TMPRSS7: variants seen among roughly 807,000 people sequenced by gnomAD.
TMPRSS7 encodes transmembrane serine protease 7.
In TMPRSS7, 81 loss-of-function variants were observed where a neutral mutation model predicts 95.6. The observed-to-expected ratio is 0.85, with a 90% confidence interval of 0.71 to 1.02. The LOEUF (loss-of-function observed/expected upper bound fraction) is 1.02, where lower values mean the gene tolerates loss of function less well. Among genes scored for constraint, TMPRSS7 ranks in the 50% least tolerant of loss-of-function variants. The pLI is 0.00. For synonymous variants in TMPRSS7, 364 were observed against 337.8 expected, an observed-to-expected ratio of 1.08 and a Z score of -0.85; for missense variants, 945 against 955.2, an observed-to-expected ratio of 0.99 and a Z score of 0.14.
exon 15 of TMPRSS7, chr3:112,075,373 C>G: frequency 6.6e-7 from 1 of 1,510,304 alleles, no homozygotes; most frequent in Non-Finnish European, 8.9e-7. Context: ...GCACAGACAC[C>G]CTGGAGGGGG....
chr3:112,047,734 CACAG>C lies in TMPRSS7; in HGVS notation c.731-1_733del. 1 of 1,602,306 alleles carries C rather than the reference CACAG, an allele frequency of 6.2e-7. No homozygotes were observed. The highest frequency in any genetic ancestry group is 8.5e-7 in the Non-Finnish European group (1 of 1,170,488). On this transcript the variant is annotated splice_acceptor_variant and splice_polypyrimidine_tract_variant and intron_variant, in intron 6 of 17. Transcript: ENST00000452346. LOFTEE classifies it high-confidence loss of function. ...AAATAAAGGAAAATGGTGCTGTCTC[CACAG>C]ACAAAGGCTGCTCTCAGTACTTCTA...
At chr3:112,042,323 T>A (rs2073219189) in intron 3 of TMPRSS7, among the ~76,000 whole-genome samples, 1 of 152,154 alleles carries the variant, frequency 6.6e-6, no homozygotes, top group Admixed American at 6.5e-5. Flanking sequence ...AGAATTGGAA[T>A]CAGATGACCT....
intron 2 of TMPRSS7, among the ~76,000 whole-genome samples, chr3:112,040,864 G>A (rs1417060256): frequency 6.6e-6 from 1 of 152,154 alleles, no homozygotes; most frequent in Non-Finnish European, 1.5e-5. Flanking sequence ...AAAGGAGGTA[G>A]ACAGAGAAAC....
intron 13 of TMPRSS7, 124 bp from the exon 14 acceptor site, chr3:112,074,172 G>T (rs2073685856): frequency 1.2e-5 from 8 of 654,518 alleles, no homozygotes; most frequent in Non-Finnish European, 2.1e-5. Flanking sequence ...TTATCCCAGA[G>T]CAGCAAATAC....
At chr3:112,050,725 C>T in exon 9 of TMPRSS7, 1 of 1,604,956 alleles carries the variant, frequency 6.2e-7, no homozygotes, top group Non-Finnish European at 8.5e-7. Flanking sequence ...GGGAAAATTT[C>T]AAGCCCATAT....
At position 112,061,786 on chromosome 3, in the gene TMPRSS7, G is replaced by C. The variant is rs754448505; in HGVS notation, c.1311-1G>C. On this transcript the variant is annotated splice_acceptor_variant, in intron 10 of 17. Transcript: ENST00000452346. LOFTEE classifies it high-confidence loss of function. ...ATTCTCCCCGACTCTTGTCTCCCCA[G>C]GTACTGTGGCTCCTACATGGATCAT... is the stretch of plus-strand genomic sequence containing the variant. 2.5e-6 allele frequency: 4 copies of C among 1,604,018 alleles called. No individual in the cohort carries two copies. The East Asian group carries it at 9.0e-5, about 36-fold the overall frequency.
chr3:112,079,727 A>G (rs888339195), intron 17 of TMPRSS7, among the ~76,000 whole-genome samples: 1 of 152,152 alleles, frequency 6.6e-6, no homozygotes, highest in Non-Finnish European at 1.5e-5. Flanking sequence ...AACTCATCCT[A>G]TAATAATGAC....
chr3:112,038,171 C>A (rs2073168484), exon 2 of TMPRSS7: 2 of 702,802 alleles, frequency 2.8e-6, no homozygotes, highest in African/African-American at 1.7e-5. Flanking sequence ...AGGAAGACGA[C>A]CACCACAAAG....
At chr3:112,055,019 C>T (rs1206921619) in intron 9 of TMPRSS7, among the ~76,000 whole-genome samples, 1 of 152,044 alleles carries the variant, frequency 6.6e-6, no homozygotes, top group African/African-American at 2.4e-5. Flanking sequence ...GGATGACAGG[C>T]GTGAGCCACT....
chr3:112,055,432 G>A lies in TMPRSS7; in HGVS notation c.1204-1593G>A, dbSNP rs561555200. On this transcript the variant is annotated intron_variant, in intron 9 of 17. Transcript: ENST00000452346. ...GTTTACTCTATTCAAATGCACATTGGAAACAAGCAAACACTTGCGCAGACA... is the reference window on the plus strand; with the variant it reads ...GTTTACTCTATTCAAATGCACATTGAAAACAAGCAAACACTTGCGCAGACA... 5.1e-4 allele frequency among the ~76,000 whole-genome samples: 69 copies of A among 134,848 alleles called. 1 individual carries two copies. In the South Asian group the frequency reaches 0.016, roughly 31 times the overall value. 88.5% of individuals were successfully genotyped at this position (134,848 alleles called of 152,430 possible). A position where few individuals can be genotyped will look rare whatever the true frequency, so the allele number is the denominator to read the frequency against.
rs1297362344 is a variant in TMPRSS7, at chr3:112,080,977, A to G, written c.2425A>G (p.Ile809Val). Residue 809 changes from isoleucine to valine, a missense_variant, in exon 18 of 18, where the codon ATT becomes GTT. By Grantham distance (29) the Ile-to-Val change is conservative (BLOSUM62 3). Transcript: ENST00000452346. ...TGATGGAAAATGGATTTTGACTGGCATTGTTAGCTGGGGACATGGAAGTGG... is the reference window on the plus strand; with the variant it reads ...TGATGGAAAATGGATTTTGACTGGCGTTGTTAGCTGGGGACATGGAAGTGG... 5 of 1,613,888 alleles carry G rather than the reference A, an allele frequency of 3.1e-6. No homozygotes were observed. The highest frequency in any genetic ancestry group is 1.7e-5 in the Admixed American group (1 of 59,996).
chr3:112,063,867 G>T (rs1415041753), intron 12 of TMPRSS7, among the ~76,000 whole-genome samples: 1 of 152,094 alleles, frequency 6.6e-6, no homozygotes, highest in Non-Finnish European at 1.5e-5. Context: ...TCAAGCATTG[G>T]GTCCACCTGA....
intron 4 of TMPRSS7, among the ~76,000 whole-genome samples, chr3:112,045,113 C>T (rs1422697686): frequency 6.6e-6 from 1 of 152,108 alleles, no homozygotes; most frequent in Admixed American, 6.6e-5. Flanking sequence ...GCACAGTCCC[C>T]GGACATGGCA....
At chr3:112,066,234 T>C (rs760513474) in intron 12 of TMPRSS7, among the ~76,000 whole-genome samples, 158 bp from the exon 13 acceptor site, 1 of 152,228 alleles carries the variant, frequency 6.6e-6, no homozygotes, top group Non-Finnish European at 1.5e-5. Flanking sequence ...TTTAAACACC[T>C]ACTTTTCCTC....
At chr3:112,061,476 G>C (rs941272042) in intron 10 of TMPRSS7, among the ~76,000 whole-genome samples, 3 of 152,084 alleles carry the variant, frequency 2.0e-5, no homozygotes, top group Admixed American at 2.0e-4. Flanking sequence ...CATTACACAG[G>C]TTTTCACATT....
chr3:112,039,516 CT>C (rs79506986), intron 2 of TMPRSS7: 69,129 of 152,008 alleles, frequency 0.45, 16,533 homozygotes, highest in East Asian at 0.55. Context: ...AGGATTGTAA[CT>C]TTCAAGAGGG....
At chr3:112,064,626 G>A (rs189110159) in intron 12 of TMPRSS7, among the ~76,000 whole-genome samples, 1 of 152,182 alleles carries the variant, frequency 6.6e-6, no homozygotes, top group East Asian at 1.9e-4. Context: ...GCCTCCCAAA[G>A]TGTTGAGATT....
At chr3:112,070,748 A>T (rs894982699) in intron 13 of TMPRSS7, among the ~76,000 whole-genome samples, 1 of 152,146 alleles carries the variant, frequency 6.6e-6, no homozygotes, top group African/African-American at 2.4e-5. Context: ...GGTCTCCTGA[A>T]TACAGCACAC....
chr3:112,041,966 C>T, exon 3 of TMPRSS7: 1 of 1,551,594 alleles, frequency 6.4e-7, no homozygotes, highest in South Asian at 1.2e-5. Context: ...GGATGTTTCG[C>T]ATCACCAACA....
Sources: gnomAD v4.1 joint callset for allele counts (sites outside exome capture counted in the v4.1 genomes callset) on GRCh38, gnomAD v4.1.1 for gene constraint, MANE v1.5 for transcripts, NCBI Gene and HGNC (gene_info 2026-07-23, HGNC 2026-07-21) for gene names.